Variants in CRADD observed in about 807,000 individuals in gnomAD.
CRADD encodes the protein CARD and death domain containing adaptor protein.
In CRADD, 9 loss-of-function variants were observed where a neutral mutation model predicts 15.5. That is an observed-to-expected ratio of 0.58 (90% CI 0.35 to 1.01). The LOEUF (loss-of-function observed/expected upper bound fraction) is 1.01, where lower values mean the gene tolerates loss of function less well. Ranked by LOEUF, CRADD falls within the 50% of genes least tolerant of loss-of-function variation. The pLI is 0.02. For missense variants in CRADD, 227 were observed against 250.3 expected (o/e 0.91, Z 0.63); for synonymous variants, 118 against 107.6 (o/e 1.10, Z -0.60).
chr12:93,848,689 C>T (rs1461073086), intron 2 of CRADD: 2 of 152,392 alleles, frequency 1.3e-5, no homozygotes, highest in Non-Finnish European at 2.9e-5. Context: ...TCCTTCATCA[C>T]CCAGCTCCTC....
At position 93,745,860 on chromosome 12, in the gene CRADD, G is replaced by T. The variant is rs553757576; in HGVS notation, c.298+66788G>T. Among the ~76,000 whole-genome samples, 4 of 152,258 alleles carry T rather than the reference G, an allele frequency of 2.6e-5. No homozygotes were observed. In the East Asian group the frequency reaches 7.7e-4, roughly 29 times the overall value. On this transcript the variant is annotated intron_variant, in intron 2 of 2. Coordinates refer to ENST00000332896, the MANE Select transcript of CRADD (RefSeq NM_003805.5). ...GCTGGAAGTCAATGGATCCATGCCA[G>T]TACATTATTAAGTATACAATTACTT...
chr12:93,794,371 G>A (rs1957388386), intron 2 of CRADD, among the ~76,000 whole-genome samples: 1 of 151,724 alleles, frequency 6.6e-6, no homozygotes, highest in African/African-American at 2.4e-5. Flanking sequence ...CTTAATCCCA[G>A]CCTTACTTTC....
intron 2 of CRADD, among the ~76,000 whole-genome samples, chr12:93,858,255 A>G (rs1460758534): frequency 6.6e-6 from 1 of 152,244 alleles, no homozygotes; most frequent in Non-Finnish European, 1.5e-5. Flanking sequence ...GGCTGTTGCC[A>G]TAGGAGGACA....
At chr12:93,858,918 A>C (rs1426553964) in intron 2 of CRADD, among the ~76,000 whole-genome samples, 1 of 152,228 alleles carries the variant, frequency 6.6e-6, no homozygotes. Context: ...CCATTAGATC[A>C]TAGCCTTTTT....
At chr12:93,713,938 CCT>C (rs1019749054) in intron 2 of CRADD, among the ~76,000 whole-genome samples, 10 of 152,116 alleles carry the variant, frequency 6.6e-5, no homozygotes, top group Non-Finnish European at 1.3e-4. Context: ...GAACTTGACA[CCT>C]CTCTCAGGAG....
intron 2 of CRADD, among the ~76,000 whole-genome samples, chr12:93,743,692 CTCT>C (rs1165625231): frequency 6.6e-6 from 1 of 152,128 alleles, no homozygotes; most frequent in Non-Finnish European, 1.5e-5. Context: ...GATGAGTGTT[CTCT>C]TCTTATATTC....
chr12:93,713,292 T>C (rs558353399), intron 2 of CRADD, among the ~76,000 whole-genome samples: 2 of 152,312 alleles, frequency 1.3e-5, no homozygotes, highest in South Asian at 4.1e-4. Context: ...AACAGTGTTA[T>C]GTTCTTCTGT....
intron 2 of CRADD, among the ~76,000 whole-genome samples, chr12:93,695,110 T>C (rs1036387973): frequency 2.6e-5 from 4 of 152,272 alleles, no homozygotes; most frequent in African/African-American, 9.6e-5. Context: ...GGTGTTGGCA[T>C]AAAAACAGAC....
At chr12:93,705,784 C>T (rs1186621655) in intron 2 of CRADD, among the ~76,000 whole-genome samples, 1 of 152,202 alleles carries the variant, frequency 6.6e-6, no homozygotes, top group Non-Finnish European at 1.5e-5. Flanking sequence ...TCTTGTTGAA[C>T]TTTCATTTGA....
intron 2 of CRADD, among the ~76,000 whole-genome samples, chr12:93,811,794 C>G (rs1233927130): frequency 2.0e-5 from 3 of 152,140 alleles, no homozygotes. Flanking sequence ...GGTTTTTACC[C>G]AAAGGAATTG....
At chr12:93,691,238 G>C (rs1426948706) in intron 2 of CRADD, among the ~76,000 whole-genome samples, 4 of 146,978 alleles carry the variant, frequency 2.7e-5, no homozygotes, top group Non-Finnish European at 5.9e-5. Flanking sequence ...TTAATATAAA[G>C]AATTTTCTTT....
intron 2 of CRADD, among the ~76,000 whole-genome samples, chr12:93,711,008 T>C (rs1234891521): frequency 6.6e-6 from 1 of 151,254 alleles, no homozygotes; most frequent in Non-Finnish European, 1.5e-5. Flanking sequence ...CAGCTGAAGA[T>C]GATCATTGAT....
At chr12:93,812,544 T>A (rs1214994863) in intron 2 of CRADD, among the ~76,000 whole-genome samples, 1 of 152,044 alleles carries the variant, frequency 6.6e-6, no homozygotes, top group East Asian at 1.9e-4. Flanking sequence ...AAAATTGTAT[T>A]CTAAGTTCCA....
At chr12:93,745,508 G>A (rs1287833856) in intron 2 of CRADD, among the ~76,000 whole-genome samples, 1 of 152,190 alleles carries the variant, frequency 6.6e-6, no homozygotes, top group Non-Finnish European at 1.5e-5. Context: ...ATACTAGGAA[G>A]CTGTGCTATG....
At chr12:93,859,229 T>A (rs1740732232) in intron 2 of CRADD, 7 of 440,506 alleles carry the variant, frequency 1.6e-5, no homozygotes, top group Admixed American at 2.5e-5. Context: ...TTTCATTTTT[T>A]AAAATGAAAT....
At chr12:93,678,135 G>A (rs1955200733) in intron 1 of CRADD, 1 of 152,292 alleles carries the variant, frequency 6.6e-6, no homozygotes. Context: ...AAGGAATGGA[G>A]TCTGTGACTG....
chr12:93,863,246 C>G (rs1958331614), intron 2 of CRADD, among the ~76,000 whole-genome samples: 1 of 152,164 alleles, frequency 6.6e-6, no homozygotes, highest in Admixed American at 6.5e-5. Flanking sequence ...CAGGAAGGAA[C>G]TGGTCTTGCC....
At chr12:93,738,226 C>G (rs939922124) in intron 2 of CRADD, 1 of 620,282 alleles carries the variant, frequency 1.6e-6, no homozygotes, top group South Asian at 1.9e-5. Flanking sequence ...AAGGACTGGC[C>G]GAAGAATGGG....
intron 2 of CRADD, among the ~76,000 whole-genome samples, chr12:93,816,845 A>G (rs1018514856): frequency 6.6e-6 from 1 of 152,268 alleles, no homozygotes; most frequent in South Asian, 2.1e-4. Flanking sequence ...TGTGCACTAG[A>G]GTCATAGGCT....
Sources: allele counts gnomAD v4.1 joint callset (sites outside exome capture counted in the v4.1 genomes callset), GRCh38; gene constraint gnomAD v4.1.1; transcripts MANE v1.5; gene names NCBI Gene and HGNC (gene_info 2026-07-23, HGNC 2026-07-21).